The following GALNT13 variants were observed in gnomAD, a reference collection of about 807,000 sequenced individuals.
The protein encoded by GALNT13 is polypeptide N-acetylgalactosaminyltransferase 13.
Under a neutral mutation model 64.2 loss-of-function variants are expected in GALNT13, and 28 were observed. The observed-to-expected ratio is 0.44, with a 90% CI of 0.32 to 0.60. The LOEUF (loss-of-function observed/expected upper bound fraction) is 0.60. Ranked by LOEUF, GALNT13 falls within the 20% of genes least tolerant of loss-of-function variation. The pLI, the probability that GALNT13 is intolerant of heterozygous loss-of-function variation, is 0.05. For synonymous variants in GALNT13, 214 were observed against 224.6 expected (o/e 0.95, Z 0.42); for missense variants, 577 against 669.8 (o/e 0.86, Z 1.53).
chr2:154,263,235 G>T (rs1690800938), intron 8 of GALNT13, among the ~76,000 whole-genome samples: 1 of 152,198 alleles, frequency 6.6e-6, no homozygotes, highest in Admixed American at 6.5e-5. Context: ...ATCTGTGTAA[G>T]CTTAGGTAAG....
the GALNT13 span, among the ~76,000 whole-genome samples, chr2:153,300,754 G>T: frequency 1.3e-5 from 2 of 152,080 alleles, no homozygotes; most frequent in Admixed American, 6.5e-5. Flanking sequence ...CTGCCAAATT[G>T]TTAGAACAAT....
the GALNT13 span, among the ~76,000 whole-genome samples, chr2:153,821,761 C>CA: frequency 2.0e-5 from 3 of 152,056 alleles, no homozygotes; most frequent in South Asian, 6.2e-4. Flanking sequence ...AATTGTGACC[C>CA]AAAAATCATA....
the GALNT13 span, among the ~76,000 whole-genome samples, chr2:153,085,088 A>C: frequency 9.0e-4 from 137 of 152,314 alleles, no homozygotes; most frequent in Non-Finnish European, 1.4e-3. Flanking sequence ...CACTCTTTCT[A>C]TGCAAAGAGA....
the GALNT13 span, among the ~76,000 whole-genome samples, chr2:153,504,208 G>A: frequency 1.3e-5 from 2 of 152,178 alleles, no homozygotes; most frequent in African/African-American, 4.8e-5. Context: ...GTATAGCAGA[G>A]CTACTGATTT....
At chr2:153,502,231 C>G in the GALNT13 span, among the ~76,000 whole-genome samples, 2 of 152,112 alleles carry the variant, frequency 1.3e-5, no homozygotes, top group African/African-American at 2.4e-5. Context: ...TCTTTTATCC[C>G]TCACCCAACT....
the GALNT13 span, among the ~76,000 whole-genome samples, chr2:153,212,231 A>T: frequency 6.6e-6 from 1 of 152,212 alleles, no homozygotes; most frequent in Non-Finnish European, 1.5e-5. Context: ...AGAATTTACA[A>T]ATAAGCTAAT....
At chr2:154,355,439 C>T (rs12620259) in intron 9 of GALNT13, among the ~76,000 whole-genome samples, 26,672 of 151,946 alleles carry the variant, frequency 0.18, 2,381 homozygotes, top group East Asian at 0.2. Flanking sequence ...GTTCACGAAG[C>T]GCATCAGCAC....
the GALNT13 span, among the ~76,000 whole-genome samples, chr2:153,205,450 C>A: frequency 2.0e-5 from 3 of 151,996 alleles, no homozygotes; most frequent in Admixed American, 2.0e-4. Context: ...AGATTATGCT[C>A]AAAAAATGTT....
chr2:153,381,007 C>T, the GALNT13 span, among the ~76,000 whole-genome samples: 13 of 152,086 alleles, frequency 8.5e-5, no homozygotes, highest in East Asian at 1.7e-3. Context: ...GGTGCAGTCA[C>T]GGCTCACTGC....
the GALNT13 span, among the ~76,000 whole-genome samples, chr2:153,544,080 T>C: frequency 6.6e-6 from 1 of 152,172 alleles, no homozygotes; most frequent in South Asian, 2.1e-4. Flanking sequence ...ATTCAGAGTT[T>C]TATCTTCCTC....
chr2:154,233,151 T>C (rs1322613958), intron 4 of GALNT13, among the ~76,000 whole-genome samples: 1 of 151,952 alleles, frequency 6.6e-6, no homozygotes, highest in Non-Finnish European at 1.5e-5. Flanking sequence ...CAGAATAAAC[T>C]GATGAAGAAG....
At chr2:154,191,185 T>C (rs899246511) in intron 4 of GALNT13, among the ~76,000 whole-genome samples, 1 of 152,200 alleles carries the variant, frequency 6.6e-6, no homozygotes, top group Non-Finnish European at 1.5e-5. Flanking sequence ...GATAAGGCTA[T>C]CTAAAAAATA....
intron 8 of GALNT13, among the ~76,000 whole-genome samples, chr2:154,278,943 C>A (rs1052631175): frequency 6.6e-6 from 1 of 151,800 alleles, no homozygotes; most frequent in Non-Finnish European, 1.5e-5. Context: ...AATAAAATAT[C>A]ATCTATTATA....
the GALNT13 span, among the ~76,000 whole-genome samples, chr2:153,627,520 C>G: frequency 3.3e-5 from 5 of 152,004 alleles, no homozygotes; most frequent in African/African-American, 1.2e-4. Flanking sequence ...AAGTGAAAAA[C>G]AGTCTTAGAA....
upstream of GALNT13, among the ~76,000 whole-genome samples, chr2:153,867,875 A>G (rs771583614): frequency 2.0e-5 from 3 of 152,146 alleles, no homozygotes; most frequent in African/African-American, 4.8e-5. Context: ...CTCAGGCAGT[A>G]ATGTGAGCAA....
At chr2:154,100,695 T>G (rs1232547788) in intron 3 of GALNT13, among the ~76,000 whole-genome samples, 1 of 152,122 alleles carries the variant, frequency 6.6e-6, no homozygotes, top group African/African-American at 2.4e-5. Flanking sequence ...TGCCTTTTAT[T>G]TCTTTCTCTT....
rs1409402559 is a variant in GALNT13, at chr2:154,151,691, T to C, written c.311+11186T>C. 2.6e-4 allele frequency among the ~76,000 whole-genome samples: 40 copies of C among 152,228 alleles called. 1 individual carries two copies. The highest frequency in any genetic ancestry group is 2.4e-3 in the Admixed American group (37 of 15,280). On this transcript the variant is annotated intron_variant, in intron 4 of 12. Transcript: ENST00000392825. ...ACCCTTTACCATTATGTAATGTCCT[T>C]CTTTGTCTCTTTTGATCTTTGTTGG... is the stretch of plus-strand genomic sequence containing the variant.
chr2:154,234,856 C>T (rs529035511), intron 4 of GALNT13, among the ~76,000 whole-genome samples: 1 of 152,128 alleles, frequency 6.6e-6, no homozygotes, highest in East Asian at 1.9e-4. Context: ...AACCTTCCTT[C>T]TGTTCTACTT....
chr2:154,315,567 T>C (rs1308353656), intron 9 of GALNT13, among the ~76,000 whole-genome samples: 2 of 152,188 alleles, frequency 1.3e-5, no homozygotes, highest in Admixed American at 6.5e-5. Context: ...GTGTGAAAGG[T>C]CTACTTAAGA....
Sources: allele counts gnomAD v4.1 joint callset (sites outside exome capture counted in the v4.1 genomes callset), GRCh38; gene constraint gnomAD v4.1.1; transcripts MANE v1.5; gene names NCBI Gene and HGNC (gene_info 2026-07-23, HGNC 2026-07-21).